ARHGAP9: variants seen among roughly 807,000 people sequenced by gnomAD.
The protein encoded by ARHGAP9 is rho GTPase-activating protein 9.
A neutral mutation model predicts 87.3 loss-of-function variants in ARHGAP9; 76 were observed. That is an observed-to-expected ratio of 0.87 (90% CI 0.72 to 1.05). The LOEUF (loss-of-function observed/expected upper bound fraction) is 1.05. ARHGAP9 is among the 50% of genes least tolerant of loss of function. The probability of loss-of-function intolerance (pLI) is 0.00; values close to 1 mark genes in which losing one functional copy is unlikely to be tolerated. For synonymous variants in ARHGAP9, 382 were observed against 394.9 expected, an observed-to-expected ratio of 0.97 and a Z score of 0.39; for missense variants, 941 against 960.5, an observed-to-expected ratio of 0.98 and a Z score of 0.27.
At chr12:57,487,094 C>G (rs1328317172) in intron 1 of ARHGAP9, among the ~76,000 whole-genome samples, 2 of 151,512 alleles carry the variant, frequency 1.3e-5, no homozygotes, top group African/African-American at 4.8e-5. Context: ...TTTTTTGCCT[C>G]AGTCTCCCGG....
intron 1 of ARHGAP9, 70 bp downstream of exon 1, chr12:57,479,660 C>A (rs1485664000): frequency 9.7e-6 from 15 of 1,550,104 alleles, no homozygotes; most frequent in Non-Finnish European, 1.3e-5. Context: ...ATGTGGTCAG[C>A]AGGGCTGCAT....
intron 3 of ARHGAP9, chr12:57,477,911 G>C (rs971171829): frequency 1.5e-6 from 2 of 1,314,178 alleles, no homozygotes; most frequent in East Asian, 3.8e-5. Context: ...CCAACTTCCC[G>C]CCTCCCCCAC....
At chr12:57,478,286 C>G in intron 3 of ARHGAP9, 1 of 490,922 alleles carries the variant, frequency 2.0e-6, no homozygotes. Context: ...ACCTCCTACC[C>G]AGTTTGCCTC....
chr12:57,474,093 G>T lies in ARHGAP9; in HGVS notation c.1867C>A (p.Pro623Thr), dbSNP rs1482305971. Residue 623 changes from proline (P) to threonine (T), a missense_variant, in exon 16 of 18, where the codon CCC becomes ACC. Physicochemically the swap from Pro to Thr is conservative, Grantham distance 38 (BLOSUM62 -1). Transcript: ENST00000393791. ...GALKLFLRELPQPLVPPLLLP... is the reference protein window; with the variant it reads ...GALKLFLRELTQPLVPPLLLP... ...AGCAGTGGTGGCACCAGAGGCTGGG[G>T]CAGCTCCCGGAGAAAAAGCTTCAGG... 1 of 1,614,000 alleles carries T rather than the reference G, an allele frequency of 6.2e-7. No homozygotes were observed. The highest frequency in any genetic ancestry group is 2.2e-5 in the East Asian group (1 of 44,900).
chr12:57,476,196 G>C (rs201544948), intron 8 of ARHGAP9, 30 bp from the exon 9 acceptor site: 21 of 1,521,146 alleles, frequency 1.4e-5, no homozygotes, highest in Non-Finnish European at 1.9e-5. Flanking sequence ...CTGAGGCCAC[G>C]GTGTTGTTTC....
At chr12:57,476,753 C>A in intron 6 of ARHGAP9, 102 bp from the exon 7 acceptor site, 1 of 1,402,762 alleles carries the variant, frequency 7.1e-7, no homozygotes, top group Non-Finnish European at 9.6e-7. Flanking sequence ...CTTAAAGTTG[C>A]TGGGGGAGGG....
At chr12:57,482,869 A>G (rs1189149896), upstream of ARHGAP9, among the ~76,000 whole-genome samples, 1 of 149,270 alleles carries the variant, frequency 6.7e-6, no homozygotes, top group Non-Finnish European at 1.5e-5. Flanking sequence ...AGGCTGAGGC[A>G]GGCAGATCAC....
rs150969398 is a variant in ARHGAP9 at position 57,477,666 on chromosome 12, G to T, written c.549C>A (p.Pro183=). The change falls in exon 4 of 18, where the codon CCC becomes CCA. Residue 183 remains proline (P), a synonymous_variant. Coordinates refer to ENST00000393791, the MANE Select transcript of ARHGAP9 (RefSeq NM_032496.4). ...EASASTAGPQ[P]LMSEPPVYCN... ...AGTACACAGGGGGCTCTGACATGAG[G>T]GGCTGGGGGCCTGCCTGCCAGAAAA... is the stretch of plus-strand genomic sequence containing the variant. The T allele has an allele frequency of 2.8e-5, 45 of 1,612,408 alleles. No homozygotes were observed. In the African/African-American group the frequency reaches 5.7e-4, roughly 21 times the overall value.
chr12:57,486,682 G>A (rs1405861362), intron 1 of ARHGAP9, among the ~76,000 whole-genome samples: 1 of 148,778 alleles, frequency 6.7e-6, no homozygotes, highest in Admixed American at 6.6e-5. Flanking sequence ...TCGGGGGATC[G>A]AGACCATCCT....
In ARHGAP9 at chr12:57,478,583, G is replaced by A; in HGVS notation, c.491C>T (p.Ser164Phe). Residue 164 changes from serine (S) to phenylalanine (F), a missense_variant, in exon 3 of 18, where the codon TCC becomes TTC. Transcript: ENST00000393791. ...KPFQEGPSGR[S>F]LSQEDLPSEA... ...TGACGGCAAGTCTTCCTGGGAGAGG[G>A]ATCTTCCGCTTGGTCCTTCCTGGAA... 1.2e-6 allele frequency: 2 copies of A among 1,614,110 alleles called. No individual in the cohort carries two copies. The highest frequency in any genetic ancestry group is 1.7e-6 in the Non-Finnish European group (2 of 1,180,026).
intron 3 of ARHGAP9, chr12:57,478,227 G>A (rs191329099): frequency 9.0e-5 from 32 of 354,582 alleles, no homozygotes; most frequent in Non-Finnish European, 1.4e-4. Flanking sequence ...CCTCCACTGC[G>A]CCCTGTGCCC....
Position 57,478,863 on chromosome 12 carries a change from G to A in ARHGAP9, c.317-106C>T, listed in dbSNP as rs1205437370. The A allele has an allele frequency of 6.6e-6, 8 of 1,207,154 alleles. No homozygotes were observed. In the African/African-American group the frequency reaches 7.7e-5, roughly 12 times the overall value. 74.8% of individuals were successfully genotyped at this position (1,207,154 alleles called of 1,614,324 possible). On this transcript the variant is annotated intron_variant, in intron 2 of 17. Transcript: ENST00000393791. Reference sequence around the variant, plus strand: ...AGGGAAGACAAGAAGGGCAGAGGGAGGATGTGGAAAATGGCATGAGACCTA... The same window carrying A: ...AGGGAAGACAAGAAGGGCAGAGGGAAGATGTGGAAAATGGCATGAGACCTA...
chr12:57,488,742 T>A, exon 1 of ARHGAP9: 2 of 1,306,076 alleles, frequency 1.5e-6, no homozygotes, highest in Middle Eastern at 1.8e-4. Context: ...TTACTTTCAG[T>A]CGTTAAGTTC....
intron 1 of ARHGAP9, among the ~76,000 whole-genome samples, chr12:57,486,458 A>C (rs1875405228): frequency 6.6e-6 from 1 of 151,780 alleles, no homozygotes; most frequent in South Asian, 2.1e-4. Flanking sequence ...TCACTAAAGA[A>C]GGGGTTTCAC....
intron 10 of ARHGAP9, 72 bp from the exon 11 acceptor site, chr12:57,475,687 A>T (rs922944711): frequency 1.7e-5 from 27 of 1,570,646 alleles, no homozygotes; most frequent in Middle Eastern, 3.9e-4. Context: ...ACTCTGACCC[A>T]CTGCCGGGGT....
At chr12:57,476,282 G>A (rs1174696784) in intron 8 of ARHGAP9, 82 bp downstream of exon 8, 15 of 1,543,250 alleles carry the variant, frequency 9.7e-6, no homozygotes, top group Admixed American at 1.8e-5. Context: ...CCTCTGCACC[G>A]CCCTCCCCGC....
chr12:57,477,597 T>A lies in ARHGAP9; in HGVS notation c.618A>T (p.Pro206=). Residue 206 remains proline, a synonymous_variant, in exon 4 of 18, where the codon CCA becomes CCT. Coordinates refer to ENST00000393791, the MANE Select transcript of ARHGAP9 (RefSeq NM_032496.4). Reference sequence around the variant, plus strand: ...TCTGCAGCAGGGGGCATGCAGGGCCTGGGGGTGGGGACCGAGGACAGCGGC... The same window carrying A: ...TCTGCAGCAGGGGGCATGCAGGGCCAGGGGGTGGGGACCGAGGACAGCGGC... The part of the protein sequence containing the change: ...DLRRCPRSPP[P]GPACPLLQRL... 1.2e-6 allele frequency: 2 copies of A among 1,611,074 alleles called. No homozygotes were observed. The highest frequency in any genetic ancestry group is 1.7e-6 in the Non-Finnish European group (2 of 1,178,910).
Position 57,477,481 on chromosome 12 carries a change from G to C in ARHGAP9, c.734C>G (p.Pro245Arg), listed in dbSNP as rs144828330. 1.9e-6 allele frequency: 3 copies of C among 1,613,920 alleles called. No homozygotes were observed. The highest frequency in any genetic ancestry group is 1.7e-5 in the Admixed American group (1 of 59,972). Reference sequence around the variant, plus strand: ...CACCGTCTCGCTGCGACTGCGGCGCGGGGGCTTCCAGGACTTGCAGCCAGT... The same window carrying C: ...CACCGTCTCGCTGCGACTGCGGCGCCGGGGCTTCCAGGACTTGCAGCCAGT... Reference protein sequence around the residue: ...SLTGCKSWKPPRRSRSETNPG... With the variant: ...SLTGCKSWKPRRRSRSETNPG... The change falls in exon 4 of 18, where the codon CCG (proline) becomes CGG (arginine). Residue 245 changes from proline (P) to arginine (R), a missense_variant. Transcript: ENST00000393791.
chr12:57,478,126 C>T (rs1841832670), intron 3 of ARHGAP9: 1 of 357,156 alleles, frequency 2.8e-6, no homozygotes, highest in Non-Finnish European at 4.8e-6. Flanking sequence ...AGGAGACCTG[C>T]TGTAGCCTAT....
Sources: allele counts gnomAD v4.1 joint callset (sites outside exome capture counted in the v4.1 genomes callset), GRCh38; gene constraint gnomAD v4.1.1; transcripts MANE v1.5; gene names NCBI Gene and HGNC (gene_info 2026-07-23, HGNC 2026-07-21).